Variants in CRPPA observed in about 807,000 individuals in gnomAD.
The protein encoded by CRPPA is CDP-L-ribitol pyrophosphorylase A, also known as D-ribitol-5-phosphate cytidylyltransferase.
A neutral mutation model predicts 52.0 loss-of-function variants in CRPPA; 43 were observed. The observed-to-expected ratio is 0.83, with a 90% CI of 0.65 to 1.07. The LOEUF is 1.07. CRPPA is among the 50% of genes least tolerant of loss of function. The pLI, the probability that CRPPA is intolerant of heterozygous loss-of-function variation, is 0.00. For synonymous variants in CRPPA, 250 were observed against 203.5 expected, an observed-to-expected ratio of 1.23 and a Z score of -1.94; for missense variants, 629 against 551.7, an observed-to-expected ratio of 1.14 and a Z score of -1.40.
chr7:16,400,117 C>G (rs1787767333), intron 2 of CRPPA, among the ~76,000 whole-genome samples: 1 of 151,914 alleles, frequency 6.6e-6, no homozygotes, highest in Non-Finnish European at 1.5e-5. Flanking sequence ...TGATACATGA[C>G]CAACACGTGA....
chr7:16,416,713 G>A (rs1049617984), intron 1 of CRPPA, among the ~76,000 whole-genome samples: 4 of 151,912 alleles, frequency 2.6e-5, no homozygotes, highest in Non-Finnish European at 5.9e-5. Flanking sequence ...ATGGTGGCAC[G>A]TGACTGTAGT....
chr7:16,418,910 T>A (rs1486598356), intron 1 of CRPPA, among the ~76,000 whole-genome samples: 5 of 152,166 alleles, frequency 3.3e-5, no homozygotes, highest in Non-Finnish European at 7.4e-5. Flanking sequence ...GTTTTCTCCA[T>A]GGGAGAAAAG....
At chr7:16,245,168 A>G (rs1783235215) in intron 8 of CRPPA, among the ~76,000 whole-genome samples, 1 of 152,226 alleles carries the variant, frequency 6.6e-6, no homozygotes, top group Non-Finnish European at 1.5e-5. Context: ...CAATTTTCCA[A>G]TTACAAACAT....
rs149113082 is a variant in CRPPA at position 16,363,275 on chromosome 7, T to C, written c.684+12817A>G. Among the ~76,000 whole-genome samples the C allele has an allele frequency of 5.6e-3, 850 of 152,256 alleles. 7 individuals carry two copies. Among genetic ancestry groups the C allele is most frequent in the African/African-American group, 0.02 (825 of 41,568 alleles). ...AAAATGACCCAACTCATTTTATAAG[T>C]TTGACACAGTTTTGCACTGCAAGTT... On this transcript the variant is annotated intron_variant, in intron 3 of 9. Transcript: ENST00000407010.
At chr7:16,399,813 G>T (rs1204688238) in intron 2 of CRPPA, among the ~76,000 whole-genome samples, 1 of 152,058 alleles carries the variant, frequency 6.6e-6, no homozygotes, top group African/African-American at 2.4e-5. Flanking sequence ...ACTGACACTT[G>T]ATCGTCACGT....
At chr7:16,379,382 G>T (rs112251274) in intron 2 of CRPPA, among the ~76,000 whole-genome samples, 43,484 of 152,042 alleles carry the variant, frequency 0.29, 6,446 homozygotes, top group South Asian at 0.38. Flanking sequence ...ATGCTGTTTT[G>T]GTTACTGTAG....
intron 4 of CRPPA, among the ~76,000 whole-genome samples, chr7:16,304,833 C>G (rs959286081): frequency 6.6e-6 from 1 of 152,144 alleles, no homozygotes; most frequent in African/African-American, 2.4e-5. Flanking sequence ...TTCCATGTTT[C>G]AGGATCTTCC....
At chr7:16,370,249 C>A (rs1786714129) in intron 3 of CRPPA, among the ~76,000 whole-genome samples, 1 of 152,122 alleles carries the variant, frequency 6.6e-6, no homozygotes. Context: ...TGGAAGTGTG[C>A]CACAGATAGG....
At chr7:16,099,774 C>T (rs536802066) in intron 9 of CRPPA, among the ~76,000 whole-genome samples, 5 of 152,248 alleles carry the variant, frequency 3.3e-5, no homozygotes, top group Admixed American at 3.3e-4. Flanking sequence ...TTTCTTAAAT[C>T]AATCATAAAG....
At chr7:16,379,839 T>C (rs918339650) in intron 2 of CRPPA, among the ~76,000 whole-genome samples, 2 of 152,232 alleles carry the variant, frequency 1.3e-5, no homozygotes, top group African/African-American at 2.4e-5. Flanking sequence ...ACATTGATTT[T>C]ATATCCCGAG....
At chr7:16,310,421 C>G (rs1449700734) in intron 3 of CRPPA, among the ~76,000 whole-genome samples, 5 of 152,084 alleles carry the variant, frequency 3.3e-5, no homozygotes, top group South Asian at 2.1e-4. Flanking sequence ...TAAACATGAG[C>G]AGAAAACCCA....
chr7:16,400,351 TTGAC>T (rs1787777769), intron 2 of CRPPA, among the ~76,000 whole-genome samples: 1 of 152,244 alleles, frequency 6.6e-6, no homozygotes, highest in African/African-American at 2.4e-5. Context: ...ATTGACATGA[TTGAC>T]ACATGACCAA....
chr7:16,308,688 C>A (rs905803551), intron 3 of CRPPA, 61 bp from the exon 4 acceptor site: 4 of 981,798 alleles, frequency 4.1e-6, no homozygotes, highest in East Asian at 2.6e-5. Context: ...TAAAACCAAG[C>A]CTTTTATTTC....
At chr7:16,130,506 T>C (rs927108620) in intron 9 of CRPPA, among the ~76,000 whole-genome samples, 2 of 151,924 alleles carry the variant, frequency 1.3e-5, no homozygotes, top group African/African-American at 4.8e-5. Flanking sequence ...TGTTCTATAC[T>C]ATCCATTCCT....
At chr7:16,378,354 T>C (rs962254145) in intron 2 of CRPPA, among the ~76,000 whole-genome samples, 2 of 146,524 alleles carry the variant, frequency 1.4e-5, no homozygotes, top group Admixed American at 1.4e-4. Flanking sequence ...AGTGAGAACA[T>C]GCGGTGTTTG....
intron 8 of CRPPA, among the ~76,000 whole-genome samples, chr7:16,250,575 T>A (rs1327400288): frequency 2.0e-5 from 3 of 152,172 alleles, no homozygotes; most frequent in Non-Finnish European, 4.4e-5. Flanking sequence ...ATATTCAACA[T>A]TCTTAAAGAA....
chr7:16,367,988 T>C (rs1236544292), intron 3 of CRPPA, among the ~76,000 whole-genome samples: 1 of 152,160 alleles, frequency 6.6e-6, no homozygotes, highest in Non-Finnish European at 1.5e-5. Context: ...GAATTTTCAT[T>C]CAAACCTAAT....
At chr7:16,118,652 ATAGT>A (rs1290365253) in intron 9 of CRPPA, among the ~76,000 whole-genome samples, 3 of 152,162 alleles carry the variant, frequency 2.0e-5, no homozygotes, top group Non-Finnish European at 4.4e-5. Flanking sequence ...CTTTTCATTG[ATAGT>A]TAAGATGAAT....
At chr7:16,304,157 T>A (rs1349306702) in intron 4 of CRPPA, among the ~76,000 whole-genome samples, 1 of 152,082 alleles carries the variant, frequency 6.6e-6, no homozygotes, top group East Asian at 1.9e-4. Flanking sequence ...TGAAATCTCA[T>A]CAAAATAAGA....
Sources: gnomAD v4.1 joint callset for allele counts (sites outside exome capture counted in the v4.1 genomes callset) on GRCh38, gnomAD v4.1.1 for gene constraint, MANE v1.5 for transcripts, NCBI Gene and HGNC (gene_info 2026-07-23, HGNC 2026-07-21) for gene names.